Variants in CNTFR observed in about 807,000 individuals in gnomAD.
CNTFR encodes ciliary neurotrophic factor receptor subunit alpha.
Under a neutral mutation model 40.4 loss-of-function variants are expected in CNTFR, and 12 were observed. The observed-to-expected ratio is 0.30, with a 90% confidence interval of 0.19 to 0.48. CNTFR has a LOEUF of 0.48. Ranked by LOEUF, CNTFR falls within the 20% of genes least tolerant of loss-of-function variation. CNTFR has a pLI of 0.99. For synonymous variants in CNTFR, 202 were observed against 209.6 expected (o/e 0.96, Z 0.31); for missense variants, 414 against 506.8 (o/e 0.82, Z 1.76).
intron 3 of CNTFR, 91 bp from the exon 4 acceptor site, chr9:34,564,923 G>T (rs530523136): frequency 1.2e-5 from 13 of 1,091,014 alleles, no homozygotes; most frequent in Admixed American, 1.2e-4. Context: ...AGCCTGTGAG[G>T]ATGGATGAGT....
At chr9:34,569,652 C>T (rs1826489486) in intron 2 of CNTFR, 1 of 152,490 alleles carries the variant, frequency 6.6e-6, no homozygotes, top group African/African-American at 2.4e-5. Flanking sequence ...AAGCTCAGAG[C>T]AGTCGAGTCA....
chr9:34,586,065 C>T (rs921433745), intron 1 of CNTFR, among the ~76,000 whole-genome samples: 4 of 152,136 alleles, frequency 2.6e-5, no homozygotes, highest in Non-Finnish European at 2.9e-5. Flanking sequence ...AGGGCCATGT[C>T]CCTACTGTGT....
chr9:34,580,688 C>T lies in CNTFR; in HGVS notation c.-1+407G>A, dbSNP rs188010203. Among the ~76,000 whole-genome samples, 529 of 152,342 alleles carry T rather than the reference C, an allele frequency of 3.5e-3. 4 individuals are homozygous for T. Among genetic ancestry groups the T allele is most frequent in the African/African-American group, 0.012 (480 of 41,572 alleles). ...AGTCAGGCTCGGCCCCACAGCTGGC[C>T]TCAGAAGATTCTGGACTTTCTGACC... On this transcript the variant is annotated intron_variant, in intron 2 of 9. Transcript: ENST00000378980.
In CNTFR at chr9:34,564,710, T is replaced by C. The variant is rs747112232; in HGVS notation, c.208A>G (p.Asn70Asp). Residue 70 changes from asparagine (N) to aspartate (D), a missense_variant, in exon 4 of 10, where the codon AAC (asparagine) becomes GAC (aspartate). Transcript: ENST00000378980. ...NGTDLAPDLLNGSQLVLHGLE... is the reference protein window; with the variant it reads ...NGTDLAPDLLDGSQLVLHGLE... ...CCATGGAGCACCAGCTGAGAGCCGTTGAGCAGGTCAGGGGCCAGGTCTGTC... is the reference window on the plus strand; with the variant it reads ...CCATGGAGCACCAGCTGAGAGCCGTCGAGCAGGTCAGGGGCCAGGTCTGTC... The C allele has an allele frequency of 8.1e-6, 13 of 1,613,820 alleles. No individual in the cohort carries two copies. The highest frequency in any genetic ancestry group is 1.3e-5 in the African/African-American group (1 of 74,864).
intron 4 of CNTFR, among the ~76,000 whole-genome samples, chr9:34,560,841 G>A (rs563179942): frequency 6.6e-6 from 1 of 152,332 alleles, no homozygotes; most frequent in Admixed American, 6.5e-5. Flanking sequence ...GCCCCCACTG[G>A]CCCAGGGTTT....
chr9:34,581,442 A>G (rs185542414), intron 1 of CNTFR, among the ~76,000 whole-genome samples: 1 of 152,308 alleles, frequency 6.6e-6, no homozygotes, highest in East Asian at 1.9e-4. Context: ...GGCCTGATAC[A>G]ATACACAGAT....
intron 4 of CNTFR, among the ~76,000 whole-genome samples, chr9:34,563,936 T>C (rs913579070): frequency 2.6e-5 from 4 of 152,188 alleles, no homozygotes; most frequent in African/African-American, 9.7e-5. Context: ...ACTGCCCAGC[T>C]TGCAGGATCA....
intron 1 of CNTFR, chr9:34,582,885 T>C (rs7032335): frequency 0.69 from 105,685 of 152,124 alleles, 36,921 homozygotes; most frequent in East Asian, 0.93. Context: ...CAGACACATA[T>C]AGACCCATCT....
intron 4 of CNTFR, among the ~76,000 whole-genome samples, chr9:34,560,339 AGTTGTGTAACTGTAGGATGGGAG>A (rs1462744375): frequency 6.6e-6 from 1 of 152,158 alleles, no homozygotes; most frequent in Admixed American, 6.5e-5. Flanking sequence ...GACTCTGGGC[AGTTGTGTAACTGTAGGATGGGAG>A]GCTGTGTGGG....
Position 34,551,656 on chromosome 9 carries a change from G to C in CNTFR, c.*415C>G. 2.9e-6 allele frequency: 1 copy of C among 339,536 alleles called. No individual in the cohort carries two copies. Among genetic ancestry groups the C allele is most frequent in the Non-Finnish European group, 5.5e-6 (1 of 180,396 alleles). The allele number at this position is 339,536 out of a possible 1,614,324, so 21.0% of individuals were successfully genotyped here. A position where few individuals can be genotyped will look rare whatever the true frequency, so the allele number is the denominator to read the frequency against. On this transcript the variant is annotated 3_prime_UTR_variant, in exon 10 of 10. Coordinates refer to ENST00000378980, the MANE Select transcript of CNTFR (RefSeq NM_147164.3). ...GTGCTGGGGGGAGGGGGATGGCTGG[G>C]CCCCCCCAGCATCAGGAGCTTATAA...
chr9:34,585,579 A>T (rs1827503508), intron 1 of CNTFR, among the ~76,000 whole-genome samples: 1 of 152,076 alleles, frequency 6.6e-6, no homozygotes, highest in Non-Finnish European at 1.5e-5. Flanking sequence ...GTGACCCCCA[A>T]CCGGGCACAG....
rs41274857 is a variant in CNTFR, at chr9:34,552,322, C to A, written c.957G>T (p.Thr319=). 6.5e-7 allele frequency: 1 copy of A among 1,537,828 alleles called. No homozygotes were observed. ...GTGCCAGGGAGCTGGTGGTGCTGGT[C>A]GTGGTCTCTGGGGAACATGGGGGAA... is the stretch of plus-strand genomic sequence containing the variant. The part of the protein sequence containing the change: ...LTTEAQAAET[T]TSTTSSLAPP... Residue 319 remains threonine, a synonymous_variant, in exon 9 of 10, where the codon ACG becomes ACT. Transcript: ENST00000378980. The surrounding 1 kb of genome is among the most constrained non-coding windows in gnomAD (Gnocchi z 5.1).
At position 34,571,868 on chromosome 9, in the gene CNTFR, T is replaced by C. The variant is rs77764291; in HGVS notation, c.1-2887A>G. Among the ~76,000 whole-genome samples, 50 of 150,642 alleles carry C rather than the reference T, an allele frequency of 3.3e-4. No homozygotes were observed. The East Asian group carries it at 7.5e-3, about 23-fold the overall frequency. On this transcript the variant is annotated intron_variant, in intron 2 of 9. Transcript: ENST00000378980. ...CCAGAGGGACAAGGAGAGGCTGAGA[T>C]AGGAAGAAATAGAAGAGACGCAGGG... is the stretch of plus-strand genomic sequence containing the variant.
intron 1 of CNTFR, among the ~76,000 whole-genome samples, chr9:34,585,981 G>A (rs1827524749): frequency 6.6e-6 from 1 of 152,194 alleles, no homozygotes; most frequent in Admixed American, 6.5e-5. Context: ...CTCCCACCCC[G>A]GCTGGAGAGC....
At chr9:34,583,189 G>A (rs1053104759) in intron 1 of CNTFR, among the ~76,000 whole-genome samples, 5 of 152,162 alleles carry the variant, frequency 3.3e-5, no homozygotes, top group Non-Finnish European at 7.3e-5. Flanking sequence ...AATGTGAGCT[G>A]GTGGAGGAGG....
At chr9:34,586,975 C>CCA (rs1343561428) in intron 1 of CNTFR, among the ~76,000 whole-genome samples, 1 of 152,198 alleles carries the variant, frequency 6.6e-6, no homozygotes, top group Admixed American at 6.5e-5. Flanking sequence ...ATTGTGAATG[C>CCA]CACAATCTTA....
intron 2 of CNTFR, among the ~76,000 whole-genome samples, chr9:34,572,863 T>C (rs1826746109): frequency 6.6e-6 from 1 of 152,160 alleles, no homozygotes. Context: ...ACAGTCACAG[T>C]GATGGTAACC....
chr9:34,587,573 T>C (rs1315350403), intron 1 of CNTFR, among the ~76,000 whole-genome samples: 2 of 152,074 alleles, frequency 1.3e-5, no homozygotes, highest in African/African-American at 4.8e-5. Flanking sequence ...CTGAGTGAGC[T>C]CCAGGGTCCC....
At chr9:34,572,867 G>A (rs1826746254) in intron 2 of CNTFR, among the ~76,000 whole-genome samples, 1 of 152,180 alleles carries the variant, frequency 6.6e-6, no homozygotes, top group African/African-American at 2.4e-5. Context: ...TCACAGTGAT[G>A]GTAACCTCAG....
Sources: gnomAD v4.1 joint callset for allele counts (sites outside exome capture counted in the v4.1 genomes callset) on GRCh38, gnomAD v4.1.1 for gene constraint, Gnocchi (gnomAD v3.1) non-coding constraint, MANE v1.5 for transcripts, NCBI Gene and HGNC (gene_info 2026-07-23, HGNC 2026-07-21) for gene names.